Variants in HDAC9 observed in about 807,000 individuals in gnomAD.
The protein encoded by HDAC9 is MEF-2 interacting transcription repressor (MITR) protein.
HDAC9 carries 41 observed loss-of-function variants against 139.4 expected under a neutral mutation model. The ratio of observed to expected loss-of-function variants is 0.29; its 90% CI spans 0.23 to 0.38. The LOEUF (loss-of-function observed/expected upper bound fraction) is 0.38. Ranked by LOEUF, HDAC9 falls within the 10% of genes least tolerant of loss-of-function variation. The pLI, the probability that HDAC9 is intolerant of heterozygous loss-of-function variation, is 1.00. For missense variants in HDAC9, 1,147 were observed against 1,297.0 expected, an observed-to-expected ratio of 0.88 and a Z score of 1.78; for synonymous variants, 517 against 476.2, an observed-to-expected ratio of 1.09 and a Z score of -1.12.
chr7:18,090,150 G>C (rs981437644), intron 1 of HDAC9, among the ~76,000 whole-genome samples: 2 of 152,144 alleles, frequency 1.3e-5, no homozygotes, highest in Admixed American at 6.5e-5. Context: ...TTTTAGGAAG[G>C]AGGCGGCAGG....
chr7:18,274,115 A>G (rs886372706), intron 2 of HDAC9, among the ~76,000 whole-genome samples: 4 of 152,362 alleles, frequency 2.6e-5, no homozygotes, highest in Middle Eastern at 3.4e-3. Flanking sequence ...ACAAAGGGAC[A>G]TGTACAGGAA....
intron 2 of HDAC9, among the ~76,000 whole-genome samples, chr7:18,503,746 C>A (rs1799009701): frequency 6.6e-6 from 1 of 152,170 alleles, no homozygotes; most frequent in South Asian, 2.1e-4. Flanking sequence ...ACTTTATTTT[C>A]CTGCTTCTCC....
intron 12 of HDAC9, among the ~76,000 whole-genome samples, chr7:18,718,995 T>G (rs1489514615): frequency 6.6e-6 from 1 of 152,220 alleles, no homozygotes; most frequent in African/African-American, 2.4e-5. Context: ...TTGTTGGGGT[T>G]TTGATTTACA....
chr7:18,200,719 A>G (rs1040018818), intron 2 of HDAC9, among the ~76,000 whole-genome samples: 4 of 152,212 alleles, frequency 2.6e-5, no homozygotes, highest in Non-Finnish European at 4.4e-5. Context: ...AAGAGAAGCT[A>G]CTTTTCCTTT....
At chr7:18,291,133 A>G (rs1287587494) in intron 1 of HDAC9, among the ~76,000 whole-genome samples, 4 of 152,146 alleles carry the variant, frequency 2.6e-5, no homozygotes, top group African/African-American at 9.7e-5. Flanking sequence ...AAATATGCCT[A>G]TTGTGAACAT....
At chr7:18,444,301 T>C (rs1792081903) in intron 1 of HDAC9, among the ~76,000 whole-genome samples, 1 of 131,684 alleles carries the variant, frequency 7.6e-6, no homozygotes, top group African/African-American at 3.0e-5. Context: ...ATCATGCCAA[T>C]GCTGCACTAC....
At chr7:18,859,446 T>G (rs1392846389) in intron 21 of HDAC9, among the ~76,000 whole-genome samples, 1 of 152,068 alleles carries the variant, frequency 6.6e-6, no homozygotes, top group Admixed American at 6.6e-5. Context: ...CCAAGTTCTT[T>G]CTTTCTTCTC....
At chr7:18,983,125 C>G (rs369554509) in intron 25 of HDAC9, among the ~76,000 whole-genome samples, 1 of 152,150 alleles carries the variant, frequency 6.6e-6, no homozygotes, top group Admixed American at 6.6e-5. Flanking sequence ...CCTTCCAGCC[C>G]CTATCAACCA....
chr7:18,805,084 C>T (rs56236512), intron 17 of HDAC9, among the ~76,000 whole-genome samples: 1 of 152,020 alleles, frequency 6.6e-6, no homozygotes, highest in Non-Finnish European at 1.5e-5. Context: ...GGCATGAGCC[C>T]CTGCGCCTGG....
rs13240311 is a variant in HDAC9 at position 18,135,523 on chromosome 7, A to G, written c.-96-26706A>G. Among the ~76,000 whole-genome samples the G allele has an allele frequency of 2.6e-3, 338 of 131,804 alleles. 1 individual carries two copies. The highest frequency in any genetic ancestry group is 4.1e-3 in the Non-Finnish European group (260 of 63,246). The allele number at this position is 131,804 out of a possible 152,430, so 86.5% of individuals were successfully genotyped here. The stretch of plus-strand genomic sequence containing the variant: ...TGTGTCCATGTGATCTCATTGTTCA[A>G]TTCCCACCTATGAGTGAGAATATGC... On this transcript the variant is annotated intron_variant, in intron 1 of 12. Transcript: ENST00000417496.
intron 2 of HDAC9, among the ~76,000 whole-genome samples, chr7:18,519,338 A>T (rs1211184107): frequency 6.6e-6 from 1 of 152,194 alleles, no homozygotes; most frequent in Non-Finnish European, 1.5e-5. Context: ...TTATTACATG[A>T]CAGACAAATA....
intron 1 of HDAC9, among the ~76,000 whole-genome samples, chr7:18,467,999 G>A (rs551332332): frequency 5.3e-5 from 8 of 152,090 alleles, no homozygotes; most frequent in Non-Finnish European, 1.2e-4. Context: ...TTCATGGTTA[G>A]ACTTAGGTTA....
chr7:18,237,353 C>T (rs1793891267), intron 2 of HDAC9, among the ~76,000 whole-genome samples: 1 of 152,130 alleles, frequency 6.6e-6, no homozygotes, highest in African/African-American at 2.4e-5. Context: ...TTTATTAAAG[C>T]TTGGAAACAT....
At chr7:18,295,816 AAT>A (rs1157384414) in intron 1 of HDAC9, among the ~76,000 whole-genome samples, 4 of 152,120 alleles carry the variant, frequency 2.6e-5, no homozygotes, top group African/African-American at 9.7e-5. Flanking sequence ...GGCAGCAGGT[AAT>A]GTAGGGGGCA....
At chr7:18,935,553 A>G (rs1418467814) in intron 22 of HDAC9, among the ~76,000 whole-genome samples, 2 of 152,182 alleles carry the variant, frequency 1.3e-5, no homozygotes, top group African/African-American at 4.8e-5. Flanking sequence ...AGCCCTGTGC[A>G]CTGGTGAAGA....
intron 2 of HDAC9, among the ~76,000 whole-genome samples, chr7:18,584,674 T>C (rs532250833): frequency 1.3e-5 from 2 of 152,302 alleles, no homozygotes; most frequent in East Asian, 3.9e-4. Flanking sequence ...ACTTAGAAAC[T>C]TGGCTACTTT....
At chr7:18,967,574 GATA>G (rs1297016927) in intron 24 of HDAC9, among the ~76,000 whole-genome samples, 1 of 147,310 alleles carries the variant, frequency 6.8e-6, no homozygotes, top group Non-Finnish European at 1.5e-5. Context: ...GTGTAACACT[GATA>G]ATAAAATCAT....
chr7:18,544,877 C>G (rs150411480), intron 2 of HDAC9, among the ~76,000 whole-genome samples: 73 of 152,284 alleles, frequency 4.8e-4, no homozygotes, highest in African/African-American at 1.7e-3. Context: ...TCTGTTTCTT[C>G]CAGGAAACCT....
intron 21 of HDAC9, among the ~76,000 whole-genome samples, chr7:18,870,007 C>T (rs1798795899): frequency 6.6e-6 from 1 of 150,844 alleles, no homozygotes; most frequent in Non-Finnish European, 1.5e-5. Flanking sequence ...TTTTGATATT[C>T]TGATACTTGT....
Sources: allele counts gnomAD v4.1 joint callset (sites outside exome capture counted in the v4.1 genomes callset), GRCh38; gene constraint gnomAD v4.1.1; transcripts MANE v1.5; gene names NCBI Gene and HGNC (gene_info 2026-07-23, HGNC 2026-07-21).